MYO1B: variants seen among roughly 807,000 people sequenced by gnomAD.
MYO1B encodes myosin IB, also known as unconventional myosin-Ib.
A neutral mutation model predicts 159.7 loss-of-function variants in MYO1B; 72 were observed. That is an observed-to-expected ratio of 0.45 (90% CI 0.37 to 0.55). The LOEUF is 0.55. MYO1B is among the 20% of genes least tolerant of loss of function. The pLI is 0.00. For synonymous variants in MYO1B, 468 were observed against 473.8 expected (o/e 0.99, Z 0.16); for missense variants, 1,062 against 1,364.8 (o/e 0.78, Z 3.50).
intron 1 of MYO1B, among the ~76,000 whole-genome samples, chr2:191,255,016 C>T (rs1405746502): frequency 6.6e-6 from 1 of 152,108 alleles, no homozygotes; most frequent in Non-Finnish European, 1.5e-5. Context: ...CAGGATCGAA[C>T]TCCTGGGCAC....
intron 6 of MYO1B, among the ~76,000 whole-genome samples, chr2:191,348,251 A>C (rs4076832): frequency 0.09 from 13,760 of 152,048 alleles, 2,042 homozygotes; most frequent in African/African-American, 0.31. Flanking sequence ...CTCCTCAAAC[A>C]TCCTATTTTT....
chr2:191,279,766 T>TA (rs34604771), intron 2 of MYO1B, among the ~76,000 whole-genome samples: 5,937 of 151,422 alleles, frequency 0.039, 380 homozygotes, highest in African/African-American at 0.13. Context: ...AAGATGCAGT[T>TA]AAAAAAAAAC....
At chr2:191,338,703 T>C (rs1692018818) in intron 4 of MYO1B, among the ~76,000 whole-genome samples, 1 of 152,206 alleles carries the variant, frequency 6.6e-6, no homozygotes, top group Non-Finnish European at 1.5e-5. Context: ...GAACAGGTTT[T>C]CAGAGGACTC....
Position 191,408,177 on chromosome 2 carries a change from G to A in MYO1B, c.2619G>A (p.Thr873=), listed in dbSNP as rs763821120. 1.7e-5 allele frequency: 28 copies of A among 1,611,868 alleles called. No individual in the cohort carries two copies. In the East Asian group the frequency reaches 2.0e-4, roughly 12 times the overall value. Residue 873 remains threonine (T), a synonymous_variant, in exon 25 of 31, where the codon ACG becomes ACA. Transcript: ENST00000392318. ...ANAGKKIYEF[T]LQRIVQKYFL... is the part of the protein sequence containing the mutation. ...CTGGAAAGAAAATCTATGAGTTTAC[G>A]CTTCAGAGAATTGTAAGTTGACACT...
chr2:191,424,129 C>A lies in MYO1B; in HGVS notation c.*169C>A. On this transcript the variant is annotated 3_prime_UTR_variant, in exon 31 of 31. Coordinates refer to ENST00000392318, the MANE Select transcript of MYO1B (RefSeq NM_001130158.3). ...ATTTTTATTATTGGAATAGTTTTAA[C>A]CTTTCAAATACATGTTCTGTCCTGG... The A allele has an allele frequency of 2.6e-6, 2 of 761,638 alleles. No homozygotes were observed. Among genetic ancestry groups the A allele is most frequent in the Non-Finnish European group, 4.2e-6 (2 of 472,746 alleles). 47.2% of individuals were successfully genotyped at this position (761,638 alleles called of 1,614,324 possible).
chr2:191,392,966 T>C, intron 19 of MYO1B, 107 bp from the exon 20 acceptor site: 3 of 935,558 alleles, frequency 3.2e-6, no homozygotes, highest in Non-Finnish European at 3.2e-6. Context: ...TTTTTTTCAA[T>C]GTAATTGACT....
chr2:191,339,223 T>C (rs187722103), intron 4 of MYO1B, among the ~76,000 whole-genome samples: 65 of 152,148 alleles, frequency 4.3e-4, no homozygotes, highest in African/African-American at 1.5e-3. Context: ...TGAATTGAAA[T>C]TGAAAGGCAG....
intron 1 of MYO1B, among the ~76,000 whole-genome samples, chr2:191,276,297 C>T (rs552209247): frequency 1.6e-3 from 238 of 152,292 alleles, no homozygotes; most frequent in Non-Finnish European, 2.9e-3. Flanking sequence ...AGTTCTTTCA[C>T]ATCAAATGCA....
At chr2:191,334,597 TC>T (rs1691707204) in intron 4 of MYO1B, among the ~76,000 whole-genome samples, 1 of 152,192 alleles carries the variant, frequency 6.6e-6, no homozygotes, top group African/African-American at 2.4e-5. Context: ...CTTGTCATCT[TC>T]CCTGGATTTA....
At chr2:191,316,024 A>C (rs1690326780) in intron 3 of MYO1B, among the ~76,000 whole-genome samples, 1 of 152,192 alleles carries the variant, frequency 6.6e-6, no homozygotes, top group Admixed American at 6.5e-5. Context: ...TGACTCAATT[A>C]AAGAGTACAA....
chr2:191,311,600 T>C (rs1690006942), intron 3 of MYO1B, among the ~76,000 whole-genome samples: 1 of 152,216 alleles, frequency 6.6e-6, no homozygotes, highest in African/African-American at 2.4e-5. Flanking sequence ...ATATTTATAA[T>C]TGGTTTGGCC....
At chr2:191,288,772 A>C (rs1688531294) in intron 2 of MYO1B, among the ~76,000 whole-genome samples, 1 of 152,124 alleles carries the variant, frequency 6.6e-6, no homozygotes, top group South Asian at 2.1e-4. Context: ...TCTTACCTGA[A>C]TCCTGGCCCA....
chr2:191,248,387 G>A (rs761115897), intron 1 of MYO1B, among the ~76,000 whole-genome samples: 1 of 152,196 alleles, frequency 6.6e-6, no homozygotes, highest in Non-Finnish European at 1.5e-5. Context: ...AATATTGTAA[G>A]TTGAAAATGC....
chr2:191,316,481 G>A (rs1231676967), intron 3 of MYO1B, among the ~76,000 whole-genome samples: 1 of 152,162 alleles, frequency 6.6e-6, no homozygotes, highest in Non-Finnish European at 1.5e-5. Flanking sequence ...ACACATATTT[G>A]AAGAGAACAG....
rs111707559 is a variant in MYO1B, at chr2:191,359,735, G to A, written c.563-896G>A. Among the ~76,000 whole-genome samples, 1,080 of 152,268 alleles carry A rather than the reference G, an allele frequency of 7.1e-3. 12 individuals are homozygous for A. Among genetic ancestry groups the A allele is most frequent in the African/African-American group, 0.025 (1,027 of 41,550 alleles). On this transcript the variant is annotated intron_variant, in intron 7 of 30. Coordinates refer to ENST00000392318, the MANE Select transcript of MYO1B (RefSeq NM_001130158.3). ...TAGATTGCAGCCTGATTAGGGGGAC[G>A]TGAAATTTGTGTGTTCTCTAGAATT...
chr2:191,278,362 C>A (rs1283178211), intron 2 of MYO1B, among the ~76,000 whole-genome samples: 1 of 152,202 alleles, frequency 6.6e-6, no homozygotes, highest in African/African-American at 2.4e-5. Context: ...GCCCCACCTC[C>A]TAGAACCATC....
At chr2:191,259,923 G>A (rs1292568859) in intron 1 of MYO1B, among the ~76,000 whole-genome samples, 6 of 152,140 alleles carry the variant, frequency 3.9e-5, no homozygotes, top group Admixed American at 3.3e-4. Flanking sequence ...CCGGAGCTTA[G>A]GGAAAAGCCA....
intron 7 of MYO1B, among the ~76,000 whole-genome samples, chr2:191,356,858 C>G (rs116423881): frequency 0.011 from 1,672 of 152,264 alleles, 23 homozygotes; most frequent in South Asian, 0.016. Flanking sequence ...GGCATAAATT[C>G]ATTGAAAGAA....
At chr2:191,397,387 G>A (rs1171161156) in intron 21 of MYO1B, among the ~76,000 whole-genome samples, 4 of 147,426 alleles carry the variant, frequency 2.7e-5, no homozygotes, top group Non-Finnish European at 4.5e-5. Context: ...AGGGAGTGGT[G>A]ATGACTCTTA....
Sources: allele counts gnomAD v4.1 joint callset (sites outside exome capture counted in the v4.1 genomes callset), GRCh38; gene constraint gnomAD v4.1.1; transcripts MANE v1.5; gene names NCBI Gene and HGNC (gene_info 2026-07-23, HGNC 2026-07-21).